Variants in ST3GAL3 observed in about 807,000 individuals in gnomAD.
The protein encoded by ST3GAL3 is CMP-N-acetylneuraminate-beta-1,4-galactoside alpha-2,3-sialyltransferase.
A neutral mutation model predicts 50.1 loss-of-function variants in ST3GAL3; 21 were observed. The observed-to-expected ratio is 0.42, with a 90% CI of 0.30 to 0.60. ST3GAL3 has a LOEUF of 0.60. Among genes scored for constraint, ST3GAL3 ranks in the 20% least tolerant of loss-of-function variants. ST3GAL3 has a pLI of 0.19. For synonymous variants in ST3GAL3, 183 were observed against 190.0 expected (o/e 0.96, Z 0.30); for missense variants, 353 against 489.4 (o/e 0.72, Z 2.63).
intron 2 of ST3GAL3, chr1:43,738,097 C>G (rs1374259550): frequency 6.6e-6 from 1 of 152,024 alleles, no homozygotes; most frequent in Non-Finnish European, 1.5e-5. Context: ...ATTTAATATT[C>G]TACCTGGTAA....
At chr1:43,923,129 G>A (rs931133339) in intron 11 of ST3GAL3, among the ~76,000 whole-genome samples, 5 of 151,924 alleles carry the variant, frequency 3.3e-5, no homozygotes, top group East Asian at 1.9e-4. Flanking sequence ...GTCTGGGAGC[G>A]CTGGTGTGCG....
intron 5 of ST3GAL3, among the ~76,000 whole-genome samples, chr1:43,882,605 C>G (rs539264488): frequency 1.3e-5 from 2 of 152,110 alleles, no homozygotes; most frequent in African/African-American, 4.8e-5. Context: ...GTTCTAAGCT[C>G]GAAGTTGGCA....
intron 2 of ST3GAL3, among the ~76,000 whole-genome samples, chr1:43,744,496 C>A (rs934935891): frequency 1.3e-5 from 2 of 151,842 alleles, no homozygotes; most frequent in African/African-American, 4.8e-5. Context: ...CCGCCTCGGC[C>A]TTCCAAAGTG....
rs1220364627 is a variant in ST3GAL3, at chr1:43,870,755, A to AG, written c.303-23623dup. Among the ~76,000 whole-genome samples, 4 of 152,082 alleles carry AG rather than the reference A, an allele frequency of 2.6e-5. No individual in the cohort carries two copies. In the East Asian group the frequency reaches 5.8e-4, roughly 22 times the overall value. ...ATGGGAAGACGATAGGCTTGAAGCT[A>AG]GGGGGAGACATGGCCATGGAGTGAA... On this transcript the variant is annotated intron_variant, in intron 5 of 11. Coordinates refer to ENST00000347631, the MANE Select transcript of ST3GAL3 (RefSeq NM_006279.5).
intron 5 of ST3GAL3, among the ~76,000 whole-genome samples, chr1:43,891,925 A>G (rs1422085226): frequency 3.3e-5 from 5 of 152,196 alleles, no homozygotes; most frequent in Non-Finnish European, 7.4e-5. Flanking sequence ...TATCAGTTCT[A>G]GCCAAGAACA....
rs2077834443 is a variant in ST3GAL3, at chr1:43,899,109, A to C, written c.462-59A>C. On this transcript the variant is annotated intron_variant, in intron 7 of 11. Coordinates refer to ENST00000347631, the MANE Select transcript of ST3GAL3 (RefSeq NM_006279.5). This position sits in a 1 kb window ranked among gnomAD's most constrained non-coding sequence, Gnocchi z 5.4. ...GCGTGGGGTCAAGGGCCAAAGGAGC[A>C]GGGAAAGAGACCTGGTGGGCAGCTC... is the stretch of plus-strand genomic sequence containing the variant. 3.1e-6 allele frequency: 5 copies of C among 1,611,874 alleles called. No individual in the cohort carries two copies. Among genetic ancestry groups the C allele is most frequent in the Non-Finnish European group, 4.2e-6 (5 of 1,179,366 alleles).
At chr1:43,853,308 A>G (rs974943068) in intron 5 of ST3GAL3, among the ~76,000 whole-genome samples, 2 of 152,162 alleles carry the variant, frequency 1.3e-5, no homozygotes, top group African/African-American at 4.8e-5. Context: ...GCTCACACCT[A>G]CTGATGTTTA....
At chr1:43,749,067 T>A (rs76288151) in intron 2 of ST3GAL3, among the ~76,000 whole-genome samples, 2 of 152,220 alleles carry the variant, frequency 1.3e-5, no homozygotes, top group Admixed American at 6.5e-5. Context: ...TGTAGTCAAT[T>A]GAATTTTGAT....
At chr1:43,885,558 C>T (rs761272228) in intron 5 of ST3GAL3, among the ~76,000 whole-genome samples, 1 of 152,184 alleles carries the variant, frequency 6.6e-6, no homozygotes, top group Non-Finnish European at 1.5e-5. Flanking sequence ...GCTAGTCTGA[C>T]CAGTCATTCT....
Position 43,901,902 on chromosome 1 carries a change from G to A in ST3GAL3, c.744+2175G>A, listed in dbSNP as rs575673434. Among the ~76,000 whole-genome samples, 4 of 152,348 alleles carry A rather than the reference G, an allele frequency of 2.6e-5. No homozygotes were observed. In the East Asian group the frequency reaches 7.7e-4, roughly 29 times the overall value. The stretch of plus-strand genomic sequence containing the variant: ...AAGTGAAAGATAATTTGGACCTTTA[G>A]AGTGAGCTGCCAGAGGAATGCCGGG... On this transcript the variant is annotated intron_variant, in intron 9 of 11. Transcript: ENST00000347631.
chr1:43,860,460 A>G (rs2069619597), intron 5 of ST3GAL3, among the ~76,000 whole-genome samples: 1 of 152,198 alleles, frequency 6.6e-6, no homozygotes, highest in African/African-American at 2.4e-5. Flanking sequence ...CAGATTATTG[A>G]GAGGAAACAC....
At chr1:43,750,603 C>G (rs1685645002) in intron 2 of ST3GAL3, among the ~76,000 whole-genome samples, 1 of 152,032 alleles carries the variant, frequency 6.6e-6, no homozygotes, top group African/African-American at 2.4e-5. Flanking sequence ...AAAATGTTAT[C>G]TTTTGGCCCA....
chr1:43,879,014 T>C (rs2074608615), intron 5 of ST3GAL3: 6 of 456,100 alleles, frequency 1.3e-5, no homozygotes, highest in Non-Finnish European at 2.6e-5. Context: ...CAAAGAGTGA[T>C]ACGTGCTTAC....
rs1362892014 is a variant in ST3GAL3, at chr1:43,712,836, G to C, written c.-31+5143G>C. Among the ~76,000 whole-genome samples the C allele has an allele frequency of 2.6e-5, 4 of 152,180 alleles. No individual in the cohort carries two copies. In the East Asian group the frequency reaches 7.7e-4, roughly 29 times the overall value. ...TGTGGCAGGAGTATGGAGCCTGTTG[G>C]GGGAGTGTGTGGGAAATGAGGCTGC... On this transcript the variant is annotated intron_variant, in intron 1 of 11. Transcript: ENST00000347631.
chr1:43,928,262 G>A (rs909111967), intron 11 of ST3GAL3, among the ~76,000 whole-genome samples: 1 of 152,142 alleles, frequency 6.6e-6, no homozygotes, highest in Non-Finnish European at 1.5e-5. Flanking sequence ...ACAGGCACAG[G>A]GCACTGCATC....
intron 11 of ST3GAL3, chr1:43,929,921 T>C: frequency 1.4e-6 from 1 of 709,482 alleles, no homozygotes; most frequent in Non-Finnish European, 2.6e-6. Flanking sequence ...GGTTCTTTTT[T>C]CCCTGTCTTG....
chr1:43,822,975 A>G (rs1484705767), intron 4 of ST3GAL3, among the ~76,000 whole-genome samples: 1 of 152,190 alleles, frequency 6.6e-6, no homozygotes, highest in Admixed American at 6.5e-5. Flanking sequence ...AATTGCTCAC[A>G]TCAAATACTG....
rs1396167011 is a variant in ST3GAL3, at chr1:43,707,569, C to G, written c.-155C>G. 6.6e-6 allele frequency: 1 copy of G among 151,920 alleles called. No homozygotes were observed. The allele number at this position is 151,920 out of a possible 1,614,324, so 9.4% of individuals were successfully genotyped here. ...CCCACTATGGCGGCGCCCATGCAGC[C>G]CAGCGCGTTGTGGGCTCCCGCCGGG... On this transcript the variant is annotated 5_prime_UTR_variant, in exon 1 of 12. Transcript: ENST00000347631.
chr1:43,716,054 C>T (rs1667227686), intron 1 of ST3GAL3, among the ~76,000 whole-genome samples: 1 of 152,168 alleles, frequency 6.6e-6, no homozygotes, highest in Admixed American at 6.5e-5. Flanking sequence ...TTATATCCTT[C>T]TGGTAACAAC....
Sources: allele counts gnomAD v4.1 joint callset (sites outside exome capture counted in the v4.1 genomes callset), GRCh38; gene constraint gnomAD v4.1.1; non-coding constraint Gnocchi (gnomAD v3.1); transcripts MANE v1.5; gene names NCBI Gene and HGNC (gene_info 2026-07-23, HGNC 2026-07-21).